The following CTSB variants were observed in gnomAD, a reference collection of about 807,000 sequenced individuals.
CTSB encodes the protein cathepsin B.
CTSB carries 57 observed loss-of-function variants against 44.3 expected under a neutral mutation model. The ratio of observed to expected loss-of-function variants is 1.29; its 90% CI spans 1.04 to 1.60. The LOEUF is 1.60. CTSB is among the 40% of genes most tolerant of loss of function. The probability of loss-of-function intolerance (pLI) is 0.00; values close to 1 mark genes in which losing one functional copy is unlikely to be tolerated. For missense variants in CTSB, 768 were observed against 443.0 expected, an observed-to-expected ratio of 1.73 and a Z score of -6.59; for synonymous variants, 320 against 168.0, an observed-to-expected ratio of 1.91 and a Z score of -7.00.
chr8:11,853,582 G>C (rs538358037), intron 1 of CTSB, 103 bp from the exon 2 acceptor site: 23 of 1,185,070 alleles, frequency 1.9e-5, no homozygotes, highest in East Asian at 1.5e-4. Flanking sequence ...CCCCATGCTC[G>C]TCCTGGCCCA....
intron 1 of CTSB, among the ~76,000 whole-genome samples, chr8:11,867,020 T>TGG (rs151072284): frequency 6.6e-6 from 1 of 152,122 alleles, no homozygotes; most frequent in Non-Finnish European, 1.5e-5. Flanking sequence ...CCAGTGGGTT[T>TGG]GGGGGGTCTC....
chr8:11,862,491 A>G (rs1816581482), intron 1 of CTSB: 2 of 152,240 alleles, frequency 1.3e-5, no homozygotes, highest in African/African-American at 4.8e-5. Context: ...AATTTGGATG[A>G]AAAATAATGG....
intron 1 of CTSB, among the ~76,000 whole-genome samples, chr8:11,856,543 G>T (rs1815546197): frequency 6.6e-6 from 1 of 152,088 alleles, no homozygotes; most frequent in Non-Finnish European, 1.5e-5. Flanking sequence ...AACCCAGGAG[G>T]CAGAGGCTGC....
At chr8:11,865,225 A>G (rs749156536) in intron 1 of CTSB, among the ~76,000 whole-genome samples, 1 of 152,152 alleles carries the variant, frequency 6.6e-6, no homozygotes, top group Non-Finnish European at 1.5e-5. Context: ...CATGTTTCCA[A>G]TAATTTCCTT....
chr8:11,866,024 A>G (rs899543263), intron 1 of CTSB, among the ~76,000 whole-genome samples: 11 of 151,490 alleles, frequency 7.3e-5, no homozygotes, highest in Admixed American at 5.3e-4. Flanking sequence ...CTCAAAAAAA[A>G]AAAAAAAAGA....
chr8:11,846,017 T>C (rs1232175653), intron 8 of CTSB: 3 of 379,016 alleles, frequency 7.9e-6, no homozygotes, highest in South Asian at 1.5e-4. Context: ...AATAGATTCC[T>C]ACAAAATGTG....
chr8:11,849,297 G>A (rs546116737), intron 4 of CTSB, 133 bp from the exon 5 acceptor site: 3 of 608,242 alleles, frequency 4.9e-6, no homozygotes, highest in Admixed American at 5.6e-5. Flanking sequence ...GGACGCTCCT[G>A]GGGCTCAAAC....
intron 1 of CTSB, chr8:11,867,418 C>G (rs7827662): frequency 0.073 from 11,056 of 152,416 alleles, 837 homozygotes; most frequent in African/African-American, 0.19. Context: ...CACCGTGCGG[C>G]TTCCTCCCCA....
intron 2 of CTSB, 110 bp from the exon 3 acceptor site, chr8:11,852,805 C>G: frequency 1.1e-6 from 1 of 920,354 alleles, no homozygotes; most frequent in East Asian, 2.6e-5. Flanking sequence ...CTACCCAATT[C>G]AAGGGCCCAA....
chr8:11,849,998 C>T (rs1026661545), intron 4 of CTSB: 1 of 152,232 alleles, frequency 6.6e-6, no homozygotes, highest in Non-Finnish European at 1.5e-5. Context: ...TGGGGCTTAC[C>T]AGGGGCTACA....
intron 1 of CTSB, among the ~76,000 whole-genome samples, chr8:11,861,838 CG>C (rs910879839): frequency 3.3e-5 from 5 of 152,174 alleles, no homozygotes; most frequent in African/African-American, 9.7e-5. Context: ...TTGCAGAACA[CG>C]GCGGTTCCCT....
intron 1 of CTSB, among the ~76,000 whole-genome samples, chr8:11,860,512 T>C (rs1416977060): frequency 1.3e-5 from 2 of 152,058 alleles, no homozygotes; most frequent in Non-Finnish European, 2.9e-5. Flanking sequence ...TAATCCCAAC[T>C]ACTCGGGAGG....
intron 3 of CTSB, among the ~76,000 whole-genome samples, chr8:11,852,071 G>T (rs937714412): frequency 6.6e-6 from 1 of 152,106 alleles, no homozygotes; most frequent in Non-Finnish European, 1.5e-5. Flanking sequence ...AGACACCTTG[G>T]AGAAGCACAA....
At chr8:11,851,887 G>T (rs753272462) in intron 3 of CTSB, among the ~76,000 whole-genome samples, 1 of 151,180 alleles carries the variant, frequency 6.6e-6, no homozygotes, top group Non-Finnish European at 1.5e-5. Context: ...GACTGGTCTC[G>T]AACTCCTGAC....
chr8:11,855,524 T>G (rs548548840), intron 1 of CTSB, among the ~76,000 whole-genome samples: 4 of 152,216 alleles, frequency 2.6e-5, no homozygotes, highest in African/African-American at 9.6e-5. Flanking sequence ...AAGGTAATGC[T>G]GGAGGAAAGC....
At position 11,847,117 on chromosome 8, in the gene CTSB, A is replaced by T. The variant is rs945521107; in HGVS notation, c.728T>A (p.Ile243Asn). ...TCCCTCCACGGGGCCGTTTTTGTAGATCTCGGCCATGATGTCCTTCTCGCT... is the reference window on the plus strand; with the variant it reads ...TCCCTCCACGGGGCCGTTTTTGTAGTTCTCGGCCATGATGTCCTTCTCGCT... Reference protein sequence around the residue: ...SNSEKDIMAEIYKNGPVEGAF... With the variant: ...SNSEKDIMAENYKNGPVEGAF... Residue 243 changes from isoleucine to asparagine, a missense_variant, in exon 8 of 10, where the codon ATC (isoleucine) becomes AAC (asparagine). Coordinates refer to ENST00000353047, the MANE Select transcript of CTSB (RefSeq NM_001908.5). 7 of 1,613,620 alleles carry T rather than the reference A, an allele frequency of 4.3e-6. No individual in the cohort carries two copies. The highest frequency in any genetic ancestry group is 5.9e-6 in the Non-Finnish European group (7 of 1,179,708).
In CTSB at chr8:11,844,737, C is replaced by A; in HGVS notation, c.*388G>T. ...TGTGACAAATGTGGAAAGCTACTTG[C>A]TTGGAGGTACTGGGGGAACTGATGG... is the stretch of plus-strand genomic sequence containing the variant. On this transcript the variant is annotated 3_prime_UTR_variant, in exon 10 of 10. Coordinates refer to ENST00000353047, the MANE Select transcript of CTSB (RefSeq NM_001908.5). 1 of 179,850 alleles carries A rather than the reference C, an allele frequency of 5.6e-6. No homozygotes were observed. Among genetic ancestry groups the A allele is most frequent in the Non-Finnish European group, 1.2e-5 (1 of 85,428 alleles). 11.1% of individuals were successfully genotyped at this position (179,850 alleles called of 1,614,324 possible).
chr8:11,845,314 C>G (rs904250050), intron 9 of CTSB, 92 bp from the exon 10 acceptor site: 1 of 953,854 alleles, frequency 1.0e-6, no homozygotes, highest in Non-Finnish European at 1.6e-6. Context: ...TCACTCATCC[C>G]TGGCCACTCC....
chr8:11,862,204 C>A (rs1816535037), intron 1 of CTSB: 1 of 136,578 alleles, frequency 7.3e-6, no homozygotes, highest in African/African-American at 2.7e-5. Context: ...CAGACTCCAT[C>A]TCAAAAAAAA....
Sources: gnomAD v4.1 joint callset for allele counts (sites outside exome capture counted in the v4.1 genomes callset) on GRCh38, gnomAD v4.1.1 for gene constraint, MANE v1.5 for transcripts, NCBI Gene and HGNC (gene_info 2026-07-23, HGNC 2026-07-21) for gene names.